ACTR3C: variants seen among roughly 807,000 people sequenced by gnomAD.
ACTR3C encodes the protein actin related protein 3C, also known as actin-related protein 3C.
Under a neutral mutation model 26.3 loss-of-function variants are expected in ACTR3C, and 18 were observed. The ratio of observed to expected loss-of-function variants is 0.68; its 90% confidence interval spans 0.47 to 1.01. The LOEUF is 1.01. ACTR3C is among the 50% of genes least tolerant of loss of function. ACTR3C has a pLI of 0.00. For synonymous variants in ACTR3C, 55 were observed against 94.5 expected, an observed-to-expected ratio of 0.58 and a Z score of 2.42; for missense variants, 184 against 250.7, an observed-to-expected ratio of 0.73 and a Z score of 1.80.
chr7:150,122,339 C>A, the ACTR3C span, among the ~76,000 whole-genome samples: 3 of 152,080 alleles, frequency 2.0e-5, no homozygotes, highest in African/African-American at 7.2e-5. Flanking sequence ...TGTAATCTAT[C>A]CATCTGACAA....
chr7:150,170,885 G>A, the ACTR3C span, among the ~76,000 whole-genome samples: 5 of 141,002 alleles, frequency 3.5e-5, no homozygotes, highest in Admixed American at 2.8e-4. Context: ...AGGGATACAG[G>A]GATCATTTCA....
At chr7:150,304,907 A>G (rs1584976126) in intron 1 of ACTR3C, among the ~76,000 whole-genome samples, 1 of 151,116 alleles carries the variant, frequency 6.6e-6, no homozygotes, top group Middle Eastern at 3.4e-3. Context: ...TAACTCCATG[A>G]GTGATACAAT....
chr7:150,295,419 T>C, intron 1 of ACTR3C, 72 bp from the exon 2 acceptor site: 1 of 1,491,424 alleles, frequency 6.7e-7, no homozygotes, highest in East Asian at 2.3e-5. Flanking sequence ...CATAAACAGG[T>C]TAACCTGAAA....
chr7:150,079,514 C>T, the ACTR3C span, among the ~76,000 whole-genome samples: 57,791 of 151,910 alleles, frequency 0.38, 11,658 homozygotes, highest in East Asian at 0.63. Context: ...CCGCTGATGA[C>T]GGGATGGGTC....
the ACTR3C span, among the ~76,000 whole-genome samples, chr7:150,143,982 A>G: frequency 5.3e-5 from 8 of 152,228 alleles, no homozygotes; most frequent in Admixed American, 5.2e-4. Context: ...CCCTCCGTCA[A>G]GACTCACAGA....
chr7:150,181,361 A>C, the ACTR3C span, among the ~76,000 whole-genome samples: 27 of 150,958 alleles, frequency 1.8e-4, no homozygotes, highest in Non-Finnish European at 2.4e-4. Flanking sequence ...ATAGGAAAAA[A>C]AAAACAGTTT....
At chr7:150,037,063 G>A in the ACTR3C span, among the ~76,000 whole-genome samples, 24 of 103,312 alleles carry the variant, frequency 2.3e-4, no homozygotes, top group African/African-American at 7.9e-4. Context: ...CCCCACCCTC[G>A]CGGGGGGTGC....
chr7:150,303,445 CT>C (rs1450672338), intron 1 of ACTR3C, among the ~76,000 whole-genome samples: 1 of 152,192 alleles, frequency 6.6e-6, no homozygotes, highest in Admixed American at 6.5e-5. Context: ...AAAGCCTTAA[CT>C]TTTTTAAACT....
At chr7:150,242,164 C>T (rs1389680978), downstream of ACTR3C, among the ~76,000 whole-genome samples, 3 of 150,892 alleles carry the variant, frequency 2.0e-5, no homozygotes, top group Admixed American at 6.6e-5. Context: ...TGCAGTGAGA[C>T]GAGATCGCAC....
chr7:149,936,790 T>C, the ACTR3C span, among the ~76,000 whole-genome samples: 1 of 152,138 alleles, frequency 6.6e-6, no homozygotes, highest in Non-Finnish European at 1.5e-5. Flanking sequence ...TTTTATTTTA[T>C]TTTTATTTTT....
At chr7:150,034,982 T>G in the ACTR3C span, among the ~76,000 whole-genome samples, 3 of 132,504 alleles carry the variant, frequency 2.3e-5, no homozygotes, top group Admixed American at 7.9e-5. Flanking sequence ...TCGTGGGGGG[T>G]GCCTCCCCCT....
At chr7:150,155,305 C>T in the ACTR3C span, among the ~76,000 whole-genome samples, 105 of 152,194 alleles carry the variant, frequency 6.9e-4, no homozygotes, top group African/African-American at 2.5e-3. Flanking sequence ...CTGATCTCAA[C>T]TGCCACTTGA....
chr7:149,978,049 T>C, the ACTR3C span, among the ~76,000 whole-genome samples: 1 of 151,146 alleles, frequency 6.6e-6, no homozygotes, highest in South Asian at 2.1e-4. Context: ...TACTTCTAGT[T>C]TGATGTTGTG....
At chr7:149,990,010 C>T in the ACTR3C span, among the ~76,000 whole-genome samples, 6 of 152,098 alleles carry the variant, frequency 3.9e-5, no homozygotes, top group African/African-American at 9.7e-5. Context: ...AAGCACTCGG[C>T]GTCAGTGCGT....
the ACTR3C span, among the ~76,000 whole-genome samples, chr7:150,121,940 C>T: frequency 6.6e-6 from 1 of 152,094 alleles, no homozygotes; most frequent in Admixed American, 6.6e-5. Flanking sequence ...CTACAACCAT[C>T]TGATCTTTGA....
At chr7:150,199,175 T>C in the ACTR3C span, among the ~76,000 whole-genome samples, 30 of 144,796 alleles carry the variant, frequency 2.1e-4, no homozygotes, top group Non-Finnish European at 3.1e-4. Flanking sequence ...GCGGGAAAGG[T>C]GGGGAAAAGA....
chr7:150,223,602 T>C, the ACTR3C span, among the ~76,000 whole-genome samples: 3 of 151,908 alleles, frequency 2.0e-5, no homozygotes, highest in East Asian at 3.9e-4. Context: ...TGACTTACAA[T>C]GGAGTTACAA....
the ACTR3C span, among the ~76,000 whole-genome samples, chr7:150,021,771 T>A: frequency 6.6e-6 from 1 of 151,962 alleles, no homozygotes; most frequent in Non-Finnish European, 1.5e-5. Context: ...TCTCCAACTC[T>A]GTCCAGGTTG....
chr7:150,082,888 G>A, the ACTR3C span, among the ~76,000 whole-genome samples: 1 of 148,136 alleles, frequency 6.8e-6, no homozygotes, highest in South Asian at 2.2e-4. Flanking sequence ...TAAGGATAAG[G>A]TTTTGGCTAG....
Sources: gnomAD v4.1 joint callset for allele counts (sites outside exome capture counted in the v4.1 genomes callset) on GRCh38, gnomAD v4.1.1 for gene constraint, MANE v1.5 for transcripts, NCBI Gene and HGNC (gene_info 2026-07-23, HGNC 2026-07-21) for gene names.